UGGT1: variants seen among roughly 807,000 people sequenced by gnomAD.
UGGT1 encodes UDP-glucose glycoprotein glucosyltransferase 1, also known as UDP-glucose:glycoprotein glucosyltransferase 1.
In UGGT1, 107 loss-of-function variants were observed where a neutral mutation model predicts 203.9. The ratio of observed to expected loss-of-function variants is 0.52; its 90% CI spans 0.45 to 0.62. UGGT1 has a LOEUF of 0.62. UGGT1 is among the 20% of genes least tolerant of loss of function. The pLI is 0.00. For synonymous variants in UGGT1, 628 were observed against 653.5 expected, an observed-to-expected ratio of 0.96 and a Z score of 0.59; for missense variants, 1,673 against 1,867.2, an observed-to-expected ratio of 0.90 and a Z score of 1.92.
chr2:128,159,822 T>G (rs568172738), intron 23 of UGGT1, 102 bp downstream of exon 23: 367 of 1,235,574 alleles, frequency 3.0e-4, no homozygotes, highest in Non-Finnish European at 3.9e-4. Flanking sequence ...TTTGTCATTT[T>G]AGTCCTGAGT....
intron 33 of UGGT1, 40 bp downstream of exon 33, chr2:128,177,960 CTG>C (rs770096154): frequency 1.3e-6 from 2 of 1,531,208 alleles, no homozygotes; most frequent in Non-Finnish European, 1.8e-6. Flanking sequence ...TAAGGAAAAA[CTG>C]AGATATAAGC....
At chr2:128,092,944 G>A (rs1483279115) in intron 1 of UGGT1, among the ~76,000 whole-genome samples, 1 of 152,124 alleles carries the variant, frequency 6.6e-6, no homozygotes, top group Non-Finnish European at 1.5e-5. Context: ...ATCTCAGACT[G>A]TTTGTCTTTA....
At chr2:128,173,207 C>T (rs989172856) in intron 29 of UGGT1, among the ~76,000 whole-genome samples, 7 of 152,304 alleles carry the variant, frequency 4.6e-5, no homozygotes, top group South Asian at 4.2e-4. Context: ...TATGTATCGA[C>T]GCTTCACTCT....
In UGGT1 at chr2:128,189,760, G is replaced by A. The variant is rs1329014494; in HGVS notation, c.*18G>A. ...AATTATGATCTCTGGAGAAGGACAG[G>A]AAATCACCCCATTTGAAAAACAGTT... On this transcript the variant is annotated 3_prime_UTR_variant, in exon 41 of 41. Coordinates refer to ENST00000259253, the MANE Select transcript of UGGT1 (RefSeq NM_020120.4). The A allele has an allele frequency of 1.9e-6, 3 of 1,612,630 alleles. No homozygotes were observed. The highest frequency in any genetic ancestry group is 2.5e-6 in the Non-Finnish European group (3 of 1,179,138).
intron 1 of UGGT1, 152 bp downstream of exon 1, chr2:128,091,567 C>G (rs1426173796): frequency 6.9e-7 from 1 of 1,442,806 alleles, no homozygotes; most frequent in Non-Finnish European, 9.1e-7. Context: ...GCGAGCGCCC[C>G]GAGTTGCCCT....
At chr2:128,098,576 G>T (rs1286939426) in intron 2 of UGGT1, among the ~76,000 whole-genome samples, 1 of 151,996 alleles carries the variant, frequency 6.6e-6, no homozygotes, top group Non-Finnish European at 1.5e-5. Context: ...GGCAACATGG[G>T]GAAACCCCGT....
chr2:128,121,164 T>C (rs753525196), intron 9 of UGGT1, 35 bp from the exon 10 acceptor site: 1 of 1,597,786 alleles, frequency 6.3e-7, no homozygotes, highest in South Asian at 1.1e-5. Flanking sequence ...TGCATTAGAT[T>C]AATCCACTTT....
intron 25 of UGGT1, among the ~76,000 whole-genome samples, chr2:128,162,032 T>G (rs376049861): frequency 6.6e-6 from 1 of 151,804 alleles, no homozygotes; most frequent in South Asian, 2.1e-4. Flanking sequence ...TTCTGGGGGG[T>G]TTTTTGTTTG....
At chr2:128,147,469 T>C (rs985865117) in intron 18 of UGGT1, among the ~76,000 whole-genome samples, 1 of 152,170 alleles carries the variant, frequency 6.6e-6, no homozygotes, top group African/African-American at 2.4e-5. Flanking sequence ...TCTAATTAAG[T>C]CCAATGTTTG....
chr2:128,175,305 T>C (rs1236310901), intron 31 of UGGT1, among the ~76,000 whole-genome samples: 1 of 152,260 alleles, frequency 6.6e-6, no homozygotes, highest in Non-Finnish European at 1.5e-5. Flanking sequence ...CTGGTATTCC[T>C]TGGTCTGTGG....
At chr2:128,169,048 T>TAAAAAAAAAAAAAAAAAAAA (rs544381740) in intron 26 of UGGT1, among the ~76,000 whole-genome samples, 1 of 52,566 alleles carries the variant, frequency 1.9e-5, no homozygotes, top group Non-Finnish European at 3.2e-5. Flanking sequence ...ACTCTGTCTT[T>TAAAAAAAAAAAAAAAAAAAA]AAAAAAAAAA....
chr2:128,172,620 A>G lies in UGGT1; in HGVS notation c.3152A>G (p.Asn1051Ser), dbSNP rs771051298. The change falls in exon 29 of 41, where the codon AAT becomes AGT. Residue 1051 changes from asparagine to serine, a missense_variant. This residue lies in a region of UGGT1 where 513 missense variants were observed against 684.1 expected (regional missense o/e 0.75). Transcript: ENST00000259253. ...LEPEISFTSD[N>S]SFAKGPIAKF... ...CCAGAGATTTCTTTCACTTCAGACA[A>G]TAGTTTTGCTAAGGGTCCAATCGCA... is the stretch of plus-strand genomic sequence containing the variant. 3.7e-6 allele frequency: 6 copies of G among 1,614,010 alleles called. No homozygotes were observed. The highest frequency in any genetic ancestry group is 1.3e-5 in the African/African-American group (1 of 74,928).
At chr2:128,179,180 A>G (rs549110587) in intron 34 of UGGT1, among the ~76,000 whole-genome samples, 28 of 152,270 alleles carry the variant, frequency 1.8e-4, no homozygotes, top group South Asian at 1.0e-3. Context: ...TCTAGTATAG[A>G]AAATCAAAAT....
At position 128,113,772 on chromosome 2, in the gene UGGT1, A is replaced by G. The variant is rs1194534924; in HGVS notation, c.696+514A>G. 8.7e-4 allele frequency among the ~76,000 whole-genome samples: 3 copies of G among 3,444 alleles called. 1 individual carries two copies. The Admixed American group carries it at 0.024, about 27-fold the overall frequency. The allele number at this position is 3,444 out of a possible 152,430, so 2.3% of individuals were successfully genotyped here. ...GAGGCGGGCGGATCACGAGGTCAGG[A>G]GATCGAGACCATCCTGGCTAACACA... On this transcript the variant is annotated intron_variant, in intron 6 of 40. Coordinates refer to ENST00000259253, the MANE Select transcript of UGGT1 (RefSeq NM_020120.4).
chr2:128,172,272 T>C (rs1168907705), intron 28 of UGGT1, among the ~76,000 whole-genome samples: 1 of 152,198 alleles, frequency 6.6e-6, no homozygotes, highest in East Asian at 1.9e-4. Context: ...GTGGACAGTA[T>C]AGTGGCTGCT....
At chr2:128,145,624 T>A (rs1327122049) in intron 17 of UGGT1, 179 bp from the exon 18 acceptor site, 1 of 617,472 alleles carries the variant, frequency 1.6e-6, no homozygotes, top group South Asian at 3.0e-5. Context: ...ATTTACATAG[T>A]AGGATATTAA....
intron 12 of UGGT1, 47 bp from the exon 13 acceptor site, chr2:128,128,982 A>T (rs763874536): frequency 8.9e-5 from 131 of 1,472,078 alleles, no homozygotes; most frequent in Non-Finnish European, 1.1e-4. Flanking sequence ...AATTTTTTTT[A>T]AAAGCTTTTT....
At chr2:128,110,920 G>A (rs1687818357) in intron 5 of UGGT1, among the ~76,000 whole-genome samples, 1 of 152,128 alleles carries the variant, frequency 6.6e-6, no homozygotes, top group Admixed American at 6.6e-5. Flanking sequence ...CTGTATTCAT[G>A]TCTTTACTTT....
intron 37 of UGGT1, among the ~76,000 whole-genome samples, chr2:128,183,076 A>G (rs1291430642): frequency 2.0e-5 from 3 of 152,202 alleles, no homozygotes; most frequent in Admixed American, 6.5e-5. Context: ...AATTTTTCAT[A>G]TCTCATATAT....
Sources: allele counts gnomAD v4.1 joint callset (sites outside exome capture counted in the v4.1 genomes callset), GRCh38; gene constraint gnomAD v4.1.1; regional missense constraint gnomAD v4.1.1; transcripts MANE v1.5; gene names NCBI Gene and HGNC (gene_info 2026-07-23, HGNC 2026-07-21).